TNF: variants seen among roughly 807,000 people sequenced by gnomAD.
The protein encoded by TNF is tumor necrosis factor.
Under a neutral mutation model 21.8 loss-of-function variants are expected in TNF, and 7 were observed. The observed-to-expected ratio is 0.32, with a 90% confidence interval of 0.18 to 0.60. The LOEUF is 0.60. Ranked by LOEUF, TNF falls within the 20% of genes least tolerant of loss-of-function variation. The pLI, the probability that TNF is intolerant of heterozygous loss-of-function variation, is 0.84. For missense variants in TNF, 216 were observed against 296.6 expected (o/e 0.73, Z 2.00); for synonymous variants, 123 against 130.2 (o/e 0.94, Z 0.38).
At chr6:31,576,414 A>C (rs1038557595) in intron 1 of TNF, 120 bp from the exon 2 acceptor site, 5 of 938,084 alleles carry the variant, frequency 5.3e-6, no homozygotes, top group Admixed American at 2.2e-5. Flanking sequence ...GAATACACAG[A>C]TGAATGGAGA....
Position 31,578,089 on chromosome 6 carries a change from C to G in TNF, c.*552C>G, listed in dbSNP as rs1771276337. 2.0e-5 allele frequency: 3 copies of G among 152,348 alleles called. No homozygotes were observed. The highest frequency in any genetic ancestry group is 7.2e-5 in the African/African-American group (3 of 41,464). The allele number at this position is 152,348 out of a possible 1,614,324, so 9.4% of individuals were successfully genotyped here. On this transcript the variant is annotated 3_prime_UTR_variant, in exon 4 of 4. Coordinates refer to ENST00000449264, the MANE Select transcript of TNF (RefSeq NM_000594.4). The surrounding 1 kb of genome is among the most constrained non-coding windows in gnomAD (Gnocchi z 6.0). ...TATCCTGGGGGACCCAATGTAGGAG[C>G]TGCCTTGGCTCAGACATGTTTTCCG...
rs1023522386 is a variant in TNF, at chr6:31,575,985, G to A, written c.186+58G>A. ...CACCCAAGGGGAAATGGAGACGCAA[G>A]AGAGGGAGAGAGATGGGATGGGTGA... On this transcript the variant is annotated intron_variant, in intron 1 of 3. Coordinates refer to ENST00000449264, the MANE Select transcript of TNF (RefSeq NM_000594.4). The surrounding 1 kb of genome is among the most constrained non-coding windows in gnomAD (Gnocchi z 6.2). 14 of 1,415,716 alleles carry A rather than the reference G, an allele frequency of 9.9e-6. No homozygotes were observed. The highest frequency in any genetic ancestry group is 1.3e-5 in the Non-Finnish European group (14 of 1,074,882). 87.7% of individuals were successfully genotyped at this position (1,415,716 alleles called of 1,614,324 possible).
chr6:31,575,992 A>G lies in TNF; in HGVS notation c.186+65A>G. 7.1e-7 allele frequency: 1 copy of G among 1,410,634 alleles called. No homozygotes were observed. The highest frequency in any genetic ancestry group is 9.3e-7 in the Non-Finnish European group (1 of 1,071,268). The allele number at this position is 1,410,634 out of a possible 1,614,324, so 87.4% of individuals were successfully genotyped here. A position where few individuals can be genotyped will look rare whatever the true frequency, so the allele number is the denominator to read the frequency against. ...GGGGAAATGGAGACGCAAGAGAGGGAGAGAGATGGGATGGGTGAAAGATGT... is the reference window on the plus strand; with the variant it reads ...GGGGAAATGGAGACGCAAGAGAGGGGGAGAGATGGGATGGGTGAAAGATGT... On this transcript the variant is annotated intron_variant, in intron 1 of 3. Coordinates refer to ENST00000449264, the MANE Select transcript of TNF (RefSeq NM_000594.4). This position sits in a 1 kb window ranked among gnomAD's most constrained non-coding sequence, Gnocchi z 6.2.
Position 31,575,788 on chromosome 6 carries a change from C to T in TNF, c.47C>T (p.Ala16Val), listed in dbSNP as rs763000109. The T allele has an allele frequency of 6.8e-6, 11 of 1,607,610 alleles. No homozygotes were observed. The highest frequency in any genetic ancestry group is 3.3e-5 in the South Asian group (3 of 90,408). ...MIRDVELAEE[A>V]LPKKTGGPQG... ...CGGGACGTGGAGCTGGCCGAGGAGG[C>T]GCTCCCCAAGAAGACAGGGGGGCCC... Residue 16 changes from alanine to valine, a missense_variant, in exon 1 of 4, where the codon GCG (alanine) becomes GTG (valine). Coordinates refer to ENST00000449264, the MANE Select transcript of TNF (RefSeq NM_000594.4). The surrounding 1 kb of genome is among the most constrained non-coding windows in gnomAD (Gnocchi z 6.2).
In TNF at chr6:31,577,842, T is replaced by C. The variant is rs1335281075; in HGVS notation, c.*305T>C. ...CTGGAGACCAGGGAGCCTTTGGTTC[T>C]GGCCAGAATGCTGCAGGACTTGAGA... On this transcript the variant is annotated 3_prime_UTR_variant, in exon 4 of 4. Transcript: ENST00000449264. The surrounding 1 kb of genome is among the most constrained non-coding windows in gnomAD (Gnocchi z 7.7). 2 of 526,092 alleles carry C rather than the reference T, an allele frequency of 3.8e-6. No individual in the cohort carries two copies. The highest frequency in any genetic ancestry group is 4.4e-5 in the South Asian group (2 of 45,852). 32.6% of individuals were successfully genotyped at this position (526,092 alleles called of 1,614,324 possible). A position where few individuals can be genotyped will look rare whatever the true frequency, so the allele number is the denominator to read the frequency against.
Position 31,577,282 on chromosome 6 carries a change from T to C in TNF, c.447T>C (p.His149=). The part of the protein sequence containing the change: ...LFKGQGCPST[H]VLLTHTISRI... ...AGGGCCAAGGCTGCCCCTCCACCCA[T>C]GTGCTCCTCACCCACACCATCAGCC... Residue 149 remains histidine, a synonymous_variant, in exon 4 of 4, where the codon CAT becomes CAC. Transcript: ENST00000449264. This position sits in a 1 kb window ranked among gnomAD's most constrained non-coding sequence, Gnocchi z 7.7. The C allele has an allele frequency of 6.2e-7, 1 of 1,613,174 alleles. No homozygotes were observed. Among genetic ancestry groups the C allele is most frequent in the East Asian group, 2.2e-5 (1 of 44,888 alleles).
rs1318088491 is a variant in TNF, at chr6:31,577,689, A to G, written c.*152A>G. ...GCTTAGAACTTTAAGCAACAAGACCACCACTTCGAAACCTGGGATTCAGGA... is the reference window on the plus strand; with the variant it reads ...GCTTAGAACTTTAAGCAACAAGACCGCCACTTCGAAACCTGGGATTCAGGA... On this transcript the variant is annotated 3_prime_UTR_variant, in exon 4 of 4. Transcript: ENST00000449264. The surrounding 1 kb of genome is among the most constrained non-coding windows in gnomAD (Gnocchi z 7.7). The G allele has an allele frequency of 3.2e-6, 3 of 934,120 alleles. No individual in the cohort carries two copies. Among genetic ancestry groups the G allele is most frequent in the African/African-American group, 1.6e-5 (1 of 61,494 alleles). 57.9% of individuals were successfully genotyped at this position (934,120 alleles called of 1,614,324 possible).
intron 2 of TNF, 55 bp from the exon 3 acceptor site, chr6:31,576,712 G>A (rs1290017678): frequency 6.4e-7 from 1 of 1,553,934 alleles, no homozygotes; most frequent in South Asian, 1.1e-5. Flanking sequence ...AAGTAGGGGG[G>A]TATTTTCTAG....
In TNF at chr6:31,577,910, C is replaced by T. The variant is rs2150390462; in HGVS notation, c.*373C>T. On this transcript the variant is annotated 3_prime_UTR_variant, in exon 4 of 4. Coordinates refer to ENST00000449264, the MANE Select transcript of TNF (RefSeq NM_000594.4). The surrounding 1 kb of genome is among the most constrained non-coding windows in gnomAD (Gnocchi z 7.7). ...TGACACAAGTGGACCTTAGGCCTTC[C>T]TCTCTCCAGATGTTTCCAGACTTCC... 1 of 321,340 alleles carries T rather than the reference C, an allele frequency of 3.1e-6. No individual in the cohort carries two copies. Among genetic ancestry groups the T allele is most frequent in the African/African-American group, 2.1e-5 (1 of 47,346 alleles). 19.9% of individuals were successfully genotyped at this position (321,340 alleles called of 1,614,324 possible).
At position 31,577,763 on chromosome 6, in the gene TNF, T is replaced by G. The variant is rs918104667; in HGVS notation, c.*226T>G. 4.8e-6 allele frequency: 3 copies of G among 628,540 alleles called. No individual in the cohort carries two copies. Among genetic ancestry groups the G allele is most frequent in the Non-Finnish European group, 8.5e-6 (3 of 353,496 alleles). The allele number at this position is 628,540 out of a possible 1,614,324, so 38.9% of individuals were successfully genotyped here. A position where few individuals can be genotyped will look rare whatever the true frequency, so the allele number is the denominator to read the frequency against. ...GCTGGCAACCACTAAGAATTCAAAC[T>G]GGGGCCTCCAGAACTCACTGGGGCC... On this transcript the variant is annotated 3_prime_UTR_variant, in exon 4 of 4. Transcript: ENST00000449264. The surrounding 1 kb of genome is among the most constrained non-coding windows in gnomAD (Gnocchi z 7.7).
In TNF at chr6:31,577,362, C is replaced by T. The variant is rs1170638621; in HGVS notation, c.527C>T (p.Pro176Leu). 2 of 1,613,074 alleles carry T rather than the reference C, an allele frequency of 1.2e-6. No homozygotes were observed. Among genetic ancestry groups the T allele is most frequent in the Non-Finnish European group, 1.7e-6 (2 of 1,180,062 alleles). The change falls in exon 4 of 4, where the codon CCC becomes CTC. Residue 176 changes from proline (P) to leucine (L), a missense_variant. By Grantham distance (98) the Pro-to-Leu change is moderately conservative (BLOSUM62 -3). Around this residue, in one of 2 missense-constraint regions of TNF, gnomAD observed 98 missense variants for 169.6 expected, o/e 0.58. Transcript: ENST00000449264. The surrounding 1 kb of genome is among the most constrained non-coding windows in gnomAD (Gnocchi z 7.7). The part of the protein sequence containing the change: ...KVNLLSAIKS[P>L]CQRETPEGAE... The stretch of plus-strand genomic sequence containing the variant: ...AACCTCCTCTCTGCCATCAAGAGCC[C>T]CTGCCAGAGGGAGACCCCAGAGGGG...
chr6:31,576,811 G>A lies in TNF; in HGVS notation c.277G>A (p.Val93Ile). 2 of 1,613,046 alleles carry A rather than the reference G, an allele frequency of 1.2e-6. No individual in the cohort carries two copies. The highest frequency in any genetic ancestry group is 8.5e-7 in the Non-Finnish European group (1 of 1,180,004). Residue 93 changes from valine (V) to isoleucine (I), a missense_variant, in exon 3 of 4, where the codon GTA becomes ATA. By Grantham distance (29) the Val-to-Ile change is conservative. Coordinates refer to ENST00000449264, the MANE Select transcript of TNF (RefSeq NM_000594.4). ...GAGTGACAAGCCTGTAGCCCATGTTGTAGGTAAGAGCTCTGAGGATGTGTC... is the reference window on the plus strand; with the variant it reads ...GAGTGACAAGCCTGTAGCCCATGTTATAGGTAAGAGCTCTGAGGATGTGTC... ...TPSDKPVAHVVANPQAEGQLQ... is the reference protein window; with the variant it reads ...TPSDKPVAHVIANPQAEGQLQ...
chr6:31,576,770 C>A lies in TNF; in HGVS notation c.236C>A (p.Ser79Ter). ...TTCTTTTCTCTCTCCTCTTCAGGAT[C>A]ATCTTCTCGAACCCCGAGTGACAAG... ...LISPLAQAVRSSSRTPSDKPV... is the reference protein window; with the variant it reads ...LISPLAQAVR The change falls in exon 3 of 4, where the codon TCA (serine) becomes TAA (stop). Residue 79 changes from serine to a stop codon, truncating the protein, a stop_gained. Transcript: ENST00000449264. LOFTEE classifies it high-confidence loss of function. 6.2e-7 allele frequency: 1 copy of A among 1,613,060 alleles called. No individual in the cohort carries two copies. The highest frequency in any genetic ancestry group is 8.5e-7 in the Non-Finnish European group (1 of 1,180,024).
chr6:31,577,756 T>C lies in TNF; in HGVS notation c.*219T>C, dbSNP rs1207086627. On this transcript the variant is annotated 3_prime_UTR_variant, in exon 4 of 4. Coordinates refer to ENST00000449264, the MANE Select transcript of TNF (RefSeq NM_000594.4). The surrounding 1 kb of genome is among the most constrained non-coding windows in gnomAD (Gnocchi z 7.7). The stretch of plus-strand genomic sequence containing the variant: ...GTGAAGTGCTGGCAACCACTAAGAA[T>C]TCAAACTGGGGCCTCCAGAACTCAC... 4 of 640,632 alleles carry C rather than the reference T, an allele frequency of 6.2e-6. No individual in the cohort carries two copies. In the East Asian group the frequency reaches 1.1e-4, roughly 18 times the overall value. The allele number at this position is 640,632 out of a possible 1,614,324, so 39.7% of individuals were successfully genotyped here.
Position 31,575,818 on chromosome 6 carries a change from G to A in TNF, c.77G>A (p.Gly26Asp), listed in dbSNP as rs1271411982. The change falls in exon 1 of 4, where the codon GGC (glycine) becomes GAC (aspartate). Residue 26 changes from glycine to aspartate, a missense_variant. By Grantham distance (94) the Gly-to-Asp change is moderately conservative. Around this residue, in one of 2 missense-constraint regions of TNF, gnomAD observed 118 missense variants for 127.1 expected, o/e 0.93. Transcript: ENST00000449264. The surrounding 1 kb of genome is among the most constrained non-coding windows in gnomAD (Gnocchi z 6.2). ...CCCAAGAAGACAGGGGGGCCCCAGG[G>A]CTCCAGGCGGTGCTTGTTCCTCAGC... is the stretch of plus-strand genomic sequence containing the variant. ...ALPKKTGGPQ[G>D]SRRCLFLSLF... is the part of the protein sequence containing the mutation. 1.9e-6 allele frequency: 3 copies of A among 1,612,332 alleles called. No individual in the cohort carries two copies. The Admixed American group carries it at 5.0e-5, about 27-fold the overall frequency.
Position 31,575,737 on chromosome 6 carries a change from A to C in TNF, c.-5A>C. The C allele has an allele frequency of 6.4e-7, 1 of 1,571,346 alleles. No individual in the cohort carries two copies. On this transcript the variant is annotated 5_prime_UTR_variant, in exon 1 of 4. Transcript: ENST00000449264. The surrounding 1 kb of genome is among the most constrained non-coding windows in gnomAD (Gnocchi z 6.2). The stretch of plus-strand genomic sequence containing the variant: ...CTCCACCCTCTCTCCCCTGGAAAGG[A>C]CACCATGAGCACTGAAAGCATGATC...
At position 31,577,855 on chromosome 6, in the gene TNF, G is replaced by A. The variant is rs936347053; in HGVS notation, c.*318G>A. ...AGCCTTTGGTTCTGGCCAGAATGCT[G>A]CAGGACTTGAGAAGACCTCACCTAG... On this transcript the variant is annotated 3_prime_UTR_variant, in exon 4 of 4. Coordinates refer to ENST00000449264, the MANE Select transcript of TNF (RefSeq NM_000594.4). This position sits in a 1 kb window ranked among gnomAD's most constrained non-coding sequence, Gnocchi z 7.7. 21 of 497,886 alleles carry A rather than the reference G, an allele frequency of 4.2e-5. No homozygotes were observed. In the Admixed American group the frequency reaches 4.8e-4, roughly 11 times the overall value. The allele number at this position is 497,886 out of a possible 1,614,324, so 30.8% of individuals were successfully genotyped here.
In TNF at chr6:31,576,772, T is replaced by C. The variant is rs369783162; in HGVS notation, c.238T>C (p.Ser80Pro). 8 of 1,613,068 alleles carry C rather than the reference T, an allele frequency of 5.0e-6. No homozygotes were observed. Among genetic ancestry groups the C allele is most frequent in the Non-Finnish European group, 6.8e-6 (8 of 1,180,016 alleles). ...CTTTTCTCTCTCCTCTTCAGGATCA[T>C]CTTCTCGAACCCCGAGTGACAAGCC... is the stretch of plus-strand genomic sequence containing the variant. The part of the protein sequence containing the change: ...ISPLAQAVRS[S>P]SRTPSDKPVA... Residue 80 changes from serine to proline, a missense_variant, in exon 3 of 4, where the codon TCT becomes CCT. Physicochemically the swap from Ser to Pro is moderately conservative, Grantham distance 74 (BLOSUM62 -1). Around this residue, in one of 2 missense-constraint regions of TNF, gnomAD observed 118 missense variants for 127.1 expected, o/e 0.93. Coordinates refer to ENST00000449264, the MANE Select transcript of TNF (RefSeq NM_000594.4).
In TNF at chr6:31,577,652, G is replaced by A. The variant is rs1249679170; in HGVS notation, c.*115G>A. The A allele has an allele frequency of 1.5e-6, 2 of 1,345,252 alleles. No homozygotes were observed. Among genetic ancestry groups the A allele is most frequent in the Non-Finnish European group, 2.1e-6 (2 of 962,146 alleles). 83.3% of individuals were successfully genotyped at this position (1,345,252 alleles called of 1,614,324 possible). A position where few individuals can be genotyped will look rare whatever the true frequency, so the allele number is the denominator to read the frequency against. On this transcript the variant is annotated 3_prime_UTR_variant, in exon 4 of 4. Transcript: ENST00000449264. The surrounding 1 kb of genome is among the most constrained non-coding windows in gnomAD (Gnocchi z 7.7). ...TCAAAAAGAGAATTGGGGGCTTAGGGTCGGAACCCAAGCTTAGAACTTTAA... is the reference window on the plus strand; with the variant it reads ...TCAAAAAGAGAATTGGGGGCTTAGGATCGGAACCCAAGCTTAGAACTTTAA...
Sources: allele counts gnomAD v4.1 joint callset, GRCh38; gene constraint gnomAD v4.1.1; regional missense constraint gnomAD v4.1.1; non-coding constraint Gnocchi (gnomAD v3.1); transcripts MANE v1.5; gene names NCBI Gene and HGNC (gene_info 2026-07-23, HGNC 2026-07-21).